NCAM2: variants seen among roughly 807,000 people sequenced by gnomAD.
NCAM2 encodes the protein N-CAM-2.
NCAM2 carries 30 observed loss-of-function variants against 98.1 expected under a neutral mutation model. That is an observed-to-expected ratio of 0.31 (90% CI 0.23 to 0.41). NCAM2 has a LOEUF of 0.41. NCAM2 is among the 10% of genes least tolerant of loss of function. NCAM2 has a pLI of 1.00. For synonymous variants in NCAM2, 368 were observed against 342.4 expected (o/e 1.07, Z -0.83); for missense variants, 867 against 1,005.8 (o/e 0.86, Z 1.87).
At chr21:21,374,045 A>G in intron 9 of NCAM2, 32 bp downstream of exon 9, 1 of 1,587,088 alleles carries the variant, frequency 6.3e-7, no homozygotes, top group Admixed American at 1.8e-5. Flanking sequence ...TTTCATTAAA[A>G]TAACTTTGCA....
intron 1 of NCAM2, among the ~76,000 whole-genome samples, chr21:21,212,742 C>CTT (rs34111265): frequency 0.025 from 3,079 of 124,634 alleles, 171 homozygotes; most frequent in African/African-American, 0.063. Flanking sequence ...ATTATCTGTG[C>CTT]TTTTTTTTTT....
chr21:21,050,347 G>A (rs1208240721), intron 1 of NCAM2, among the ~76,000 whole-genome samples: 1 of 152,110 alleles, frequency 6.6e-6, no homozygotes. Context: ...CAGGGATTAT[G>A]TACCATTCAT....
At chr21:21,068,746 A>G (rs1490211457) in intron 1 of NCAM2, among the ~76,000 whole-genome samples, 1 of 152,130 alleles carries the variant, frequency 6.6e-6, no homozygotes, top group East Asian at 1.9e-4. Flanking sequence ...GCAATGACCA[A>G]TGACTTATCG....
intron 1 of NCAM2, among the ~76,000 whole-genome samples, chr21:21,013,645 G>A (rs1490365405): frequency 6.6e-6 from 1 of 152,290 alleles, no homozygotes; most frequent in Middle Eastern, 3.4e-3. Flanking sequence ...GTGGAGCATG[G>A]TGGTGCATGC....
rs551991271 is a variant in NCAM2, at chr21:21,157,965, G to A, written c.56-122613G>A. Among the ~76,000 whole-genome samples the A allele has an allele frequency of 1.1e-4, 17 of 152,204 alleles. No homozygotes were observed. The East Asian group carries it at 3.1e-3, about 28-fold the overall frequency. ...TATTTAATATGAGGGAACCAAGTAG[G>A]TGAAAGATTCTGGACTCTGAAGTCA... is the stretch of plus-strand genomic sequence containing the variant. On this transcript the variant is annotated intron_variant, in intron 1 of 17. Transcript: ENST00000400546.
chr21:21,133,731 A>G (rs2066983772), intron 1 of NCAM2, among the ~76,000 whole-genome samples: 1 of 152,216 alleles, frequency 6.6e-6, no homozygotes, highest in Admixed American at 6.5e-5. Flanking sequence ...TGCATAATGC[A>G]CAGTTGTTGC....
In NCAM2 at chr21:21,412,083, A is replaced by T. The variant is rs556097462; in HGVS notation, c.1383+1622A>T. On this transcript the variant is annotated intron_variant, in intron 10 of 17. Coordinates refer to ENST00000400546, the MANE Select transcript of NCAM2 (RefSeq NM_004540.5). The stretch of plus-strand genomic sequence containing the variant: ...CTTGAATACTTTAATAAAATACTAT[A>T]GACAGGATGGTTGAAATCACAGAAA... 4.6e-5 allele frequency among the ~76,000 whole-genome samples: 7 copies of T among 152,322 alleles called. No homozygotes were observed. The South Asian group carries it at 1.4e-3, about 32-fold the overall frequency.
rs532068473 is a variant in NCAM2, at chr21:21,394,469, C to CTTTTTTTTTT, written c.1196-15777_1196-15768dup. Reference sequence around the variant, plus strand: ...GACCTTAGTTAATTTAAGGGGCCAGCTTTTTTTTTTTTTTTTTTTTTTTTT... The same window carrying CTTTTTTTTTT: ...GACCTTAGTTAATTTAAGGGGCCAGCTTTTTTTTTTTTTTTTTTTTTTTTTTTTTTTTTTT... On this transcript the variant is annotated intron_variant, in intron 9 of 17. Transcript: ENST00000400546. Among the ~76,000 whole-genome samples, 169 of 57,664 alleles carry CTTTTTTTTTT rather than the reference C, an allele frequency of 2.9e-3. 23 individuals are homozygous for CTTTTTTTTTT. The highest frequency in any genetic ancestry group is 3.5e-3 in the Non-Finnish European group (118 of 33,698). The allele number at this position is 57,664 out of a possible 152,430, so 37.8% of individuals were successfully genotyped here. A position where few individuals can be genotyped will look rare whatever the true frequency, so the allele number is the denominator to read the frequency against.
At chr21:21,498,087 TTATAGA>T (rs1987372465) in intron 15 of NCAM2, among the ~76,000 whole-genome samples, 2 of 152,062 alleles carry the variant, frequency 1.3e-5, no homozygotes, top group Admixed American at 6.6e-5. Flanking sequence ...TATAATTTAT[TTATAGA>T]TCTAAAAAGA....
chr21:21,531,535 G>T (rs236062), intron 16 of NCAM2, among the ~76,000 whole-genome samples: 152,216 of 152,216 alleles, frequency 1, 76,108 homozygotes, highest in Non-Finnish European at 1. Flanking sequence ...GCTAATTTAG[G>T]TCTGAACACC....
intron 12 of NCAM2, among the ~76,000 whole-genome samples, chr21:21,452,270 T>TG (rs1452943714): frequency 6.6e-6 from 1 of 150,536 alleles, no homozygotes. Flanking sequence ...TACATACATA[T>TG]TCTAACACAA....
chr21:21,360,877 A>G (rs896777630), intron 8 of NCAM2, among the ~76,000 whole-genome samples: 5 of 151,816 alleles, frequency 3.3e-5, no homozygotes, highest in Non-Finnish European at 7.4e-5. Flanking sequence ...AACTCATCCT[A>G]CCTTTTCTTG....
At chr21:21,176,978 G>A (rs561078736) in intron 1 of NCAM2, among the ~76,000 whole-genome samples, 181 of 152,040 alleles carry the variant, frequency 1.2e-3, no homozygotes, top group Non-Finnish European at 2.0e-3. Context: ...TAAATGTCTA[G>A]CCTGTATTCA....
chr21:21,294,458 G>T (rs1241084246), intron 5 of NCAM2, among the ~76,000 whole-genome samples: 2 of 151,918 alleles, frequency 1.3e-5, no homozygotes, highest in South Asian at 4.1e-4. Flanking sequence ...CCTCCCAAAA[G>T]TAAATTCTTC....
At chr21:21,083,266 G>A (rs4438576) in intron 1 of NCAM2, among the ~76,000 whole-genome samples, 93,235 of 151,930 alleles carry the variant, frequency 0.61, 31,129 homozygotes, top group Non-Finnish European at 0.73. Flanking sequence ...TTTGGTATTT[G>A]GTGGTACTTA....
intron 12 of NCAM2, among the ~76,000 whole-genome samples, chr21:21,453,012 T>G (rs1301100558): frequency 2.9e-5 from 3 of 104,480 alleles, no homozygotes; most frequent in African/African-American, 1.2e-4. Context: ...ATATAATATA[T>G]AAAAATATAT....
intron 16 of NCAM2, among the ~76,000 whole-genome samples, chr21:21,527,860 A>T (rs564684850): frequency 6.6e-6 from 1 of 152,332 alleles, no homozygotes; most frequent in East Asian, 1.9e-4. Context: ...TTACCCAAAG[A>T]AGTTGAAAGT....
rs140359841 is a variant in NCAM2 at position 21,256,851 on chromosome 21, T to C, written c.56-23727T>C. ...CATATACGCTGGAAATCCAGTTTCATAAAATGTTACCTAAAATGTAATGAC... is the reference window on the plus strand; with the variant it reads ...CATATACGCTGGAAATCCAGTTTCACAAAATGTTACCTAAAATGTAATGAC... On this transcript the variant is annotated intron_variant, in intron 1 of 17. Coordinates refer to ENST00000400546, the MANE Select transcript of NCAM2 (RefSeq NM_004540.5). Among the ~76,000 whole-genome samples the C allele has an allele frequency of 4.8e-3, 727 of 152,316 alleles. 8 individuals are homozygous for C. Among genetic ancestry groups the C allele is most frequent in the African/African-American group, 0.017 (692 of 41,570 alleles).
intron 9 of NCAM2, among the ~76,000 whole-genome samples, chr21:21,387,393 G>C (rs2076293596): frequency 1.3e-5 from 2 of 152,078 alleles, no homozygotes; most frequent in Non-Finnish European, 1.5e-5. Context: ...CAAGCATTCA[G>C]TGAGCTTTCT....
Sources: allele counts gnomAD v4.1 joint callset (sites outside exome capture counted in the v4.1 genomes callset), GRCh38; gene constraint gnomAD v4.1.1; transcripts MANE v1.5; gene names NCBI Gene and HGNC (gene_info 2026-07-23, HGNC 2026-07-21).